The following PHACTR1 variants were observed in gnomAD, a reference collection of about 807,000 sequenced individuals.
The protein encoded by PHACTR1 is phosphatase and actin regulator 1, also known as RPEL repeat containing 1.
Under a neutral mutation model 69.2 loss-of-function variants are expected in PHACTR1, and 16 were observed. That is an observed-to-expected ratio of 0.23 (90% confidence interval 0.16 to 0.35). The LOEUF is 0.35. PHACTR1 is among the 10% of genes least tolerant of loss of function. The probability of loss-of-function intolerance (pLI) is 1.00; values close to 1 mark genes in which losing one functional copy is unlikely to be tolerated. For synonymous variants in PHACTR1, 312 were observed against 284.5 expected, an observed-to-expected ratio of 1.10 and a Z score of -0.97; for missense variants, 510 against 734.7, an observed-to-expected ratio of 0.69 and a Z score of 3.54.
At chr6:12,992,610 C>A (rs1291418449) in intron 4 of PHACTR1, among the ~76,000 whole-genome samples, 3 of 152,180 alleles carry the variant, frequency 2.0e-5, no homozygotes, top group Admixed American at 2.0e-4. Flanking sequence ...TAAATTCATT[C>A]ATTTACCAAA....
At position 13,131,239 on chromosome 6, in the gene PHACTR1, A is replaced by T. The variant is rs187757348; in HGVS notation, c.416-28965A>T. On this transcript the variant is annotated intron_variant, in intron 5 of 14. Coordinates refer to ENST00000332995, the MANE Select transcript of PHACTR1 (RefSeq NM_030948.6). ...CACACACACACACACACACACACAC[A>T]CACACACCATGGAATACTACTCAGC... Among the ~76,000 whole-genome samples the T allele has an allele frequency of 2.4e-3, 305 of 125,190 alleles. 1 individual carries two copies. The highest frequency in any genetic ancestry group is 4.8e-3 in the Non-Finnish European group (269 of 55,856). The allele number at this position is 125,190 out of a possible 152,430, so 82.1% of individuals were successfully genotyped here.
intron 4 of PHACTR1, among the ~76,000 whole-genome samples, chr6:12,877,683 ATCT>A (rs1782678004): frequency 6.6e-6 from 1 of 152,006 alleles, no homozygotes; most frequent in Non-Finnish European, 1.5e-5. Flanking sequence ...TTCTTGGATG[ATCT>A]TCTTGATTGT....
intron 4 of PHACTR1, among the ~76,000 whole-genome samples, chr6:12,955,629 C>T (rs771988763): frequency 2.0e-5 from 3 of 152,144 alleles, no homozygotes; most frequent in Non-Finnish European, 4.4e-5. Flanking sequence ...TGTCTCACCA[C>T]CTGATGTTTT....
intron 4 of PHACTR1, among the ~76,000 whole-genome samples, chr6:12,819,266 T>C (rs1775937174): frequency 1.3e-5 from 2 of 152,224 alleles, no homozygotes; most frequent in Non-Finnish European, 1.5e-5. Context: ...TTATGTAATT[T>C]TGAAAGGAAA....
chr6:12,763,172 C>T (rs907712206), intron 4 of PHACTR1, among the ~76,000 whole-genome samples: 21 of 152,060 alleles, frequency 1.4e-4, no homozygotes, highest in Admixed American at 1.1e-3. Context: ...AAGATCGTGC[C>T]ATTGCACTCC....
At chr6:12,985,602 G>T (rs1270123129) in intron 4 of PHACTR1, among the ~76,000 whole-genome samples, 1 of 140,154 alleles carries the variant, frequency 7.1e-6, no homozygotes, top group Non-Finnish European at 1.5e-5. Flanking sequence ...ACACAAACAC[G>T]AATATGAAAG....
intron 7 of PHACTR1, among the ~76,000 whole-genome samples, chr6:13,192,567 G>A (rs4273688): frequency 0.16 from 24,955 of 152,204 alleles, 2,087 homozygotes; most frequent in South Asian, 0.2. Flanking sequence ...CTTTTTAGCA[G>A]CAATTGCTTG....
chr6:13,061,786 A>G (rs1239797909), intron 5 of PHACTR1, among the ~76,000 whole-genome samples: 1 of 152,170 alleles, frequency 6.6e-6, no homozygotes, highest in Non-Finnish European at 1.5e-5. Context: ...TTTTGAACCG[A>G]TATTTTCTGG....
chr6:13,206,173 G>T, intron 8 of PHACTR1, 37 bp downstream of exon 8: 1 of 1,499,352 alleles, frequency 6.7e-7, no homozygotes, highest in Non-Finnish European at 9.0e-7. Context: ...CGGGAGGAGA[G>T]GGGTTGGCTG....
intron 4 of PHACTR1, among the ~76,000 whole-genome samples, chr6:12,911,288 G>C (rs569105596): frequency 6.6e-6 from 1 of 152,208 alleles, no homozygotes; most frequent in Non-Finnish European, 1.5e-5. Context: ...AGTTTCTGCA[G>C]AAATCGACAT....
chr6:13,097,580 G>A (rs1034539694), intron 5 of PHACTR1, among the ~76,000 whole-genome samples: 1 of 152,154 alleles, frequency 6.6e-6, no homozygotes, highest in Non-Finnish European at 1.5e-5. Flanking sequence ...GCCGAAGAAT[G>A]CCCCTCTTGC....
chr6:13,055,516 T>C (rs1806635145), intron 5 of PHACTR1, among the ~76,000 whole-genome samples: 1 of 152,186 alleles, frequency 6.6e-6, no homozygotes, highest in African/African-American at 2.4e-5. Flanking sequence ...TTTGTAAGCA[T>C]TGAAAAAAAT....
At chr6:13,255,325 C>A (rs377124710) in intron 10 of PHACTR1, among the ~76,000 whole-genome samples, 4 of 152,332 alleles carry the variant, frequency 2.6e-5, no homozygotes, top group African/African-American at 9.6e-5. Context: ...CCCACCAGGT[C>A]CCACCTCCAA....
intron 4 of PHACTR1, among the ~76,000 whole-genome samples, chr6:13,020,454 G>C (rs9369759): frequency 0.49 from 74,987 of 152,092 alleles, 20,758 homozygotes; most frequent in East Asian, 0.83. Context: ...GGACGTTGCT[G>C]TGACAGGCAG....
intron 5 of PHACTR1, among the ~76,000 whole-genome samples, chr6:13,151,424 G>A (rs1824285461): frequency 6.6e-6 from 1 of 152,140 alleles, no homozygotes; most frequent in South Asian, 2.1e-4. Flanking sequence ...AGTACTGGGA[G>A]CACATAGAAA....
chr6:12,843,588 T>A (rs531504127), intron 4 of PHACTR1, among the ~76,000 whole-genome samples: 7 of 152,212 alleles, frequency 4.6e-5, no homozygotes, highest in Non-Finnish European at 7.3e-5. Flanking sequence ...TCATAAATAA[T>A]GTGTTAAACC....
rs187070134 is a variant in PHACTR1, at chr6:12,953,761, G to C, written c.251-99604G>C. On this transcript the variant is annotated intron_variant, in intron 4 of 14. Coordinates refer to ENST00000332995, the MANE Select transcript of PHACTR1 (RefSeq NM_030948.6). ...CATATTGGCTGCTGTGTAATGACGA[G>C]AATGATGATGGTGGTAACGATAATA... is the stretch of plus-strand genomic sequence containing the variant. Among the ~76,000 whole-genome samples the C allele has an allele frequency of 2.8e-3, 429 of 152,290 alleles. 2 individuals carry two copies. The highest frequency in any genetic ancestry group is 3.9e-3 in the Non-Finnish European group (262 of 68,024).
At position 13,179,043 on chromosome 6, in the gene PHACTR1, C is replaced by T. The variant is rs193034532; in HGVS notation, c.497-3476C>T. The stretch of plus-strand genomic sequence containing the variant: ...TTGAGTCAAGGAGTTCCACATGAGG[C>T]TGGGCAACATGGCAAAACCCTGTCT... On this transcript the variant is annotated intron_variant, in intron 6 of 14. Transcript: ENST00000332995. The surrounding 1 kb of genome is among the most constrained non-coding windows in gnomAD (Gnocchi z 4.2). 1.1e-3 allele frequency among the ~76,000 whole-genome samples: 175 copies of T among 152,230 alleles called. No homozygotes were observed. Among genetic ancestry groups the T allele is most frequent in the Middle Eastern group, 6.8e-3 (2 of 294 alleles).
chr6:12,883,983 C>G (rs1018613225), intron 4 of PHACTR1, among the ~76,000 whole-genome samples: 2 of 151,996 alleles, frequency 1.3e-5, no homozygotes. Flanking sequence ...CACATACACA[C>G]ACATACACAA....
Sources: allele counts gnomAD v4.1 joint callset (sites outside exome capture counted in the v4.1 genomes callset), GRCh38; gene constraint gnomAD v4.1.1; non-coding constraint Gnocchi (gnomAD v3.1); transcripts MANE v1.5; gene names NCBI Gene and HGNC (gene_info 2026-07-23, HGNC 2026-07-21).